The following MVB12B variants were observed in gnomAD, a reference collection of about 807,000 sequenced individuals.
MVB12B encodes multivesicular body subunit 12B.
A neutral mutation model predicts 41.6 loss-of-function variants in MVB12B; 16 were observed. The observed-to-expected ratio is 0.38, with a 90% CI of 0.26 to 0.58. MVB12B has a LOEUF of 0.58. Ranked by LOEUF, MVB12B falls within the 20% of genes least tolerant of loss-of-function variation. MVB12B has a pLI of 0.62. For synonymous variants in MVB12B, 133 were observed against 139.7 expected (o/e 0.95, Z 0.34); for missense variants, 274 against 380.2 (o/e 0.72, Z 2.32).
chr9:126,459,622 T>C lies in MVB12B; in HGVS notation c.758-21747T>C, dbSNP rs1464051272. 6.6e-6 allele frequency among the ~76,000 whole-genome samples: 1 copy of C among 152,074 alleles called. No homozygotes were observed. Among genetic ancestry groups the C allele is most frequent in the African/African-American group, 2.4e-5 (1 of 41,404 alleles). ...AGGCTTGGGGCTAAGGATGTGTATT[T>C]TCGCACGCAGCCCAGGTGACTGTGG... On this transcript the variant is annotated intron_variant, in intron 7 of 9. Transcript: ENST00000361171. This position sits in a 1 kb window ranked among gnomAD's most constrained non-coding sequence, Gnocchi z 4.3.
chr9:126,406,659 A>C (rs1831437221), intron 6 of MVB12B, among the ~76,000 whole-genome samples: 1 of 152,230 alleles, frequency 6.6e-6, no homozygotes, highest in African/African-American at 2.4e-5. Context: ...ATCATCTGGA[A>C]TGGAAGTGTG....
At chr9:126,410,637 GTCAAA>G (rs1195870612) in intron 6 of MVB12B, among the ~76,000 whole-genome samples, 2 of 152,138 alleles carry the variant, frequency 1.3e-5, no homozygotes, top group Non-Finnish European at 2.9e-5. Context: ...AGCCATGCAA[GTCAAA>G]TCCCATTTCC....
At chr9:126,489,856 G>T (rs1833696315) in intron 9 of MVB12B, among the ~76,000 whole-genome samples, 3 of 152,152 alleles carry the variant, frequency 2.0e-5, no homozygotes, top group African/African-American at 7.2e-5. Flanking sequence ...GGTGACCAGG[G>T]GCTGGTCAGT....
intron 5 of MVB12B, among the ~76,000 whole-genome samples, chr9:126,393,410 A>G (rs954740977): frequency 6.6e-6 from 1 of 152,246 alleles, no homozygotes; most frequent in Non-Finnish European, 1.5e-5. Context: ...GTTCAAGTCC[A>G]GAGGCCAAGA....
rs917682100 is a variant in MVB12B at position 126,389,604 on chromosome 9, G to A, written c.410-2462G>A. Among the ~76,000 whole-genome samples, 8 of 152,310 alleles carry A rather than the reference G, an allele frequency of 5.3e-5. No individual in the cohort carries two copies. Among genetic ancestry groups the A allele is most frequent in the Non-Finnish European group, 1.2e-4 (8 of 68,016 alleles). On this transcript the variant is annotated intron_variant, in intron 4 of 9. Transcript: ENST00000361171. The surrounding 1 kb of genome is among the most constrained non-coding windows in gnomAD (Gnocchi z 4.4). ...AGACGGAAGAATGGAGCCAAGAGCA[G>A]CGTGGCAACAGCAAGTGAAACACCC...
chr9:126,501,610 G>A (rs963152205), intron 9 of MVB12B, among the ~76,000 whole-genome samples: 30 of 152,180 alleles, frequency 2.0e-4, no homozygotes, highest in African/African-American at 7.0e-4. Flanking sequence ...CTGTGGACAT[G>A]GCGCTAGTCT....
chr9:126,466,101 A>G (rs1230532837), intron 7 of MVB12B, among the ~76,000 whole-genome samples: 1 of 152,214 alleles, frequency 6.6e-6, no homozygotes, highest in Non-Finnish European at 1.5e-5. Flanking sequence ...GCTTAAACCA[A>G]CCAACATTTA....
intron 6 of MVB12B, among the ~76,000 whole-genome samples, chr9:126,415,337 A>T (rs951743526): frequency 1.3e-5 from 2 of 152,246 alleles, no homozygotes; most frequent in African/African-American, 4.8e-5. Flanking sequence ...ATGCCAGTCC[A>T]TAGACACTGG....
chr9:126,377,531 T>C (rs7350182), intron 2 of MVB12B, among the ~76,000 whole-genome samples: 151,615 of 152,280 alleles, frequency 1, 75,483 homozygotes, highest in Middle Eastern at 1. Flanking sequence ...CGTTACCTTA[T>C]TTGGGTAGCT....
At chr9:126,481,703 G>T (rs1459083667) in intron 8 of MVB12B, among the ~76,000 whole-genome samples, 2 of 152,196 alleles carry the variant, frequency 1.3e-5, no homozygotes, top group African/African-American at 2.4e-5. Flanking sequence ...AACAACAGCT[G>T]GGGGATGGGA....
intron 2 of MVB12B, among the ~76,000 whole-genome samples, chr9:126,365,683 T>G (rs553241949): frequency 1.7e-4 from 26 of 152,260 alleles, no homozygotes; most frequent in Non-Finnish European, 3.2e-4. Flanking sequence ...TAATATACCT[T>G]TCTATTGTTT....
intron 7 of MVB12B, among the ~76,000 whole-genome samples, chr9:126,453,243 C>G (rs906979539): frequency 6.6e-6 from 1 of 152,206 alleles, no homozygotes; most frequent in African/African-American, 2.4e-5. Flanking sequence ...TGCCACCTCC[C>G]CGTGAGCATC....
intron 7 of MVB12B, among the ~76,000 whole-genome samples, chr9:126,452,304 A>C (rs1832902411): frequency 6.6e-6 from 1 of 152,172 alleles, no homozygotes; most frequent in East Asian, 1.9e-4. Flanking sequence ...TGGTCATTCT[A>C]CTTGAATCTG....
intron 7 of MVB12B, among the ~76,000 whole-genome samples, chr9:126,456,372 A>G (rs1832986073): frequency 2.0e-5 from 3 of 152,234 alleles, no homozygotes; most frequent in African/African-American, 7.2e-5. Context: ...TGTTAGAACT[A>G]ATGGTTCTAT....
chr9:126,372,763 A>T (rs1302173582), intron 2 of MVB12B, among the ~76,000 whole-genome samples: 2 of 152,204 alleles, frequency 1.3e-5, no homozygotes, highest in Admixed American at 6.5e-5. Context: ...CTTGAACTCG[A>T]ATCTACCCAA....
chr9:126,471,213 T>C (rs1833308378), intron 7 of MVB12B, among the ~76,000 whole-genome samples: 1 of 152,240 alleles, frequency 6.6e-6, no homozygotes, highest in Admixed American at 6.5e-5. Context: ...GGCTGTTCTT[T>C]CCTGTTGCTG....
rs3739567 is a variant in MVB12B at position 126,503,862 on chromosome 9, T to C, written c.*599T>C. 40,295 of 152,382 alleles carry C rather than the reference T, an allele frequency of 0.26. 5,439 individuals carry two copies. The highest frequency in any genetic ancestry group is 0.29 in the South Asian group (1,411 of 4,824). 9.4% of individuals were successfully genotyped at this position (152,382 alleles called of 1,614,324 possible). On this transcript the variant is annotated 3_prime_UTR_variant, in exon 10 of 10. Coordinates refer to ENST00000361171, the MANE Select transcript of MVB12B (RefSeq NM_033446.3). Reference sequence around the variant, plus strand: ...CCTGCCCTTTGGACATCCCATGGACTTGTCACCCAGTCGCCTGGAAGTCGG... The same window carrying C: ...CCTGCCCTTTGGACATCCCATGGACCTGTCACCCAGTCGCCTGGAAGTCGG...
intron 7 of MVB12B, among the ~76,000 whole-genome samples, chr9:126,465,694 T>C (rs1397072272): frequency 1.3e-5 from 2 of 149,602 alleles, no homozygotes; most frequent in South Asian, 2.2e-4. Context: ...GGGGAGCACA[T>C]TGAAACTGGG....
At chr9:126,371,332 G>A (rs1433295433) in intron 2 of MVB12B, among the ~76,000 whole-genome samples, 1 of 152,244 alleles carries the variant, frequency 6.6e-6, no homozygotes, top group African/African-American at 2.4e-5. Context: ...CAGGGAGGAC[G>A]TACCTGCTGC....
Sources: allele counts gnomAD v4.1 joint callset (sites outside exome capture counted in the v4.1 genomes callset), GRCh38; gene constraint gnomAD v4.1.1; non-coding constraint Gnocchi (gnomAD v3.1); transcripts MANE v1.5; gene names NCBI Gene and HGNC (gene_info 2026-07-23, HGNC 2026-07-21).